Variants in NFATC2 observed in about 807,000 individuals in gnomAD.
The protein encoded by NFATC2 is nuclear factor of activated T cells 2.
In NFATC2, 22 loss-of-function variants were observed where a neutral mutation model predicts 87.3. The ratio of observed to expected loss-of-function variants is 0.25; its 90% CI spans 0.18 to 0.36. The LOEUF (loss-of-function observed/expected upper bound fraction) is 0.36. NFATC2 is among the 10% of genes least tolerant of loss of function. NFATC2 has a pLI of 1.00. For missense variants in NFATC2, 1,149 were observed against 1,259.1 expected (o/e 0.91, Z 1.32); for synonymous variants, 565 against 542.2 (o/e 1.04, Z -0.58).
intron 3 of NFATC2, among the ~76,000 whole-genome samples, chr20:51,509,012 A>G (rs898903812): frequency 1.3e-5 from 2 of 151,946 alleles, no homozygotes; most frequent in Non-Finnish European, 2.9e-5. Context: ...TGCGAGGCCC[A>G]CGATCCGCCC....
chr20:51,553,773 C>A (rs2076954630), intron 1 of NFATC2, among the ~76,000 whole-genome samples: 1 of 151,992 alleles, frequency 6.6e-6, no homozygotes, highest in East Asian at 1.9e-4. Context: ...ATGCCGCCAT[C>A]CCTCTGCCAG....
chr20:51,408,434 A>T (rs976869967), intron 9 of NFATC2, among the ~76,000 whole-genome samples: 2 of 151,076 alleles, frequency 1.3e-5, no homozygotes, highest in South Asian at 4.2e-4. Flanking sequence ...GAATCCCATG[A>T]ACCCAGGAGG....
At chr20:51,423,033 A>T (rs1254373828) in intron 9 of NFATC2, among the ~76,000 whole-genome samples, 1 of 151,402 alleles carries the variant, frequency 6.6e-6, no homozygotes, top group African/African-American at 2.4e-5. Context: ...CACGCTTATA[A>T]TCCCAGCTTT....
chr20:51,435,344 C>T (rs374852805), intron 7 of NFATC2, 30 bp from the exon 8 acceptor site: 1 of 1,613,734 alleles, frequency 6.2e-7, no homozygotes, highest in Non-Finnish European at 8.5e-7. Flanking sequence ...ATGAACTTAA[C>T]TGCAATCATG....
rs73910860 is a variant in NFATC2 at position 51,468,730 on chromosome 20, C to T, written c.1708+5250G>A. On this transcript the variant is annotated intron_variant, in intron 5 of 10. Coordinates refer to ENST00000371564, the MANE Select transcript of NFATC2 (RefSeq NM_012340.5). Reference sequence around the variant, plus strand: ...AGCCCCGGCAAACATTGCCTGGTTCCGTCTTTATAGGACAGAGACTGACAA... The same window carrying T: ...AGCCCCGGCAAACATTGCCTGGTTCTGTCTTTATAGGACAGAGACTGACAA... Among the ~76,000 whole-genome samples, 832 of 152,332 alleles carry T rather than the reference C, an allele frequency of 5.5e-3. 6 individuals are homozygous for T. The highest frequency in any genetic ancestry group is 0.019 in the African/African-American group (781 of 41,568).
At chr20:51,416,567 A>G (rs78855985) in intron 9 of NFATC2, among the ~76,000 whole-genome samples, 1,756 of 152,292 alleles carry the variant, frequency 0.012, 45 homozygotes, top group African/African-American at 0.04. Flanking sequence ...GAAGATATTA[A>G]AGGAGGGTTG....
At chr20:51,506,548 C>T (rs917092680) in intron 3 of NFATC2, among the ~76,000 whole-genome samples, 4 of 128,014 alleles carry the variant, frequency 3.1e-5, no homozygotes, top group Non-Finnish European at 6.3e-5. Context: ...TTATTGTCAA[C>T]GGAGCTAGTG....
chr20:51,397,974 G>A (rs1297191028), intron 10 of NFATC2, among the ~76,000 whole-genome samples: 2 of 152,180 alleles, frequency 1.3e-5, no homozygotes, highest in East Asian at 1.9e-4. Flanking sequence ...AAACCTGCAC[G>A]ATAAGGTCTT....
At chr20:51,562,798 G>A, upstream of NFATC2, 1 of 580,028 alleles carries the variant, frequency 1.7e-6, no homozygotes, top group South Asian at 2.4e-5. The surrounding 1 kb of genome is among the most constrained non-coding windows in gnomAD (Gnocchi z 5.8). Context: ...GCTCGGCGGA[G>A]TCGGCGCGGC....
chr20:51,473,519 A>G (rs1266843017), intron 5 of NFATC2, among the ~76,000 whole-genome samples: 1 of 152,172 alleles, frequency 6.6e-6, no homozygotes, highest in African/African-American at 2.4e-5. Flanking sequence ...ACTGCTGTGA[A>G]TACTCATGCG....
rs755739862 is a variant in NFATC2, at chr20:51,391,467, G to GGA, written c.*45-18_*45-17dup. Reference sequence around the variant, plus strand: ...ATTTCATTAACTACAAAAGAAAAGAGGAGGGGGGGGGAGAGAGAATGGGGC... The same window carrying GGA: ...ATTTCATTAACTACAAAAGAAAAGAGGAGAGGGGGGGGGAGAGAGAATGGGGC... On this transcript the variant is annotated splice_polypyrimidine_tract_variant and intron_variant, in intron 10 of 10. Transcript: ENST00000371564. The GGA allele has an allele frequency of 1.4e-6, 2 of 1,443,440 alleles. No homozygotes were observed. The highest frequency in any genetic ancestry group is 2.3e-5 in the South Asian group (2 of 87,448). The allele number at this position is 1,443,440 out of a possible 1,614,324, so 89.4% of individuals were successfully genotyped here.
At chr20:51,442,405 C>T (rs1332199580) in intron 6 of NFATC2, among the ~76,000 whole-genome samples, 1 of 152,092 alleles carries the variant, frequency 6.6e-6, no homozygotes, top group African/African-American at 2.4e-5. Context: ...GCAGTCCAGC[C>T]TGGGCGACAA....
At chr20:51,461,477 C>T (rs1987139691) in intron 5 of NFATC2, among the ~76,000 whole-genome samples, 1 of 152,230 alleles carries the variant, frequency 6.6e-6, no homozygotes, top group Admixed American at 6.5e-5. Context: ...TCCCTCCTGC[C>T]CCTGGATTCT....
chr20:51,425,480 A>G (rs1236607815), intron 9 of NFATC2, among the ~76,000 whole-genome samples: 1 of 152,182 alleles, frequency 6.6e-6, no homozygotes, highest in Non-Finnish European at 1.5e-5. Flanking sequence ...AGTTCTCATC[A>G]GCACAGAGAC....
At chr20:51,552,401 C>G (rs1032214344) in intron 1 of NFATC2, among the ~76,000 whole-genome samples, 5 of 152,174 alleles carry the variant, frequency 3.3e-5, no homozygotes, top group Admixed American at 2.0e-4. Flanking sequence ...CTTCCTCATG[C>G]TCTTGCAAAG....
intron 9 of NFATC2, among the ~76,000 whole-genome samples, chr20:51,431,149 T>C (rs1383343476): frequency 1.3e-5 from 2 of 152,154 alleles, no homozygotes; most frequent in African/African-American, 4.8e-5. Context: ...CACAAATATA[T>C]ATACCTGCTC....
At chr20:51,398,490 G>A (rs779453368) in intron 10 of NFATC2, among the ~76,000 whole-genome samples, 153 bp downstream of exon 10, 4 of 151,928 alleles carry the variant, frequency 2.6e-5, no homozygotes, top group Non-Finnish European at 5.9e-5. Flanking sequence ...TCCACTTCAG[G>A]AGTGGAGGGG....
At position 51,429,382 on chromosome 20, in the gene NFATC2, G is replaced by A. The variant is rs1192307777; in HGVS notation, c.2722+2685C>T. ...GCACTTGCTGCCTTTTGGAGGCCAC[G>A]TGGGTGGAAACCATTCCACTGCCCC... On this transcript the variant is annotated intron_variant, in intron 9 of 10. Coordinates refer to ENST00000371564, the MANE Select transcript of NFATC2 (RefSeq NM_012340.5). Among the ~76,000 whole-genome samples, 4 of 152,222 alleles carry A rather than the reference G, an allele frequency of 2.6e-5. No individual in the cohort carries two copies. In the East Asian group the frequency reaches 5.8e-4, roughly 22 times the overall value.
intron 2 of NFATC2, among the ~76,000 whole-genome samples, chr20:51,519,924 AAAAAAAGAAC>A (rs1300655344): frequency 6.6e-6 from 1 of 151,964 alleles, no homozygotes; most frequent in Non-Finnish European, 1.5e-5. Flanking sequence ...TAAAAAAAAA[AAAAAAAGAAC>A]AAAAAAGAAG....
Sources: gnomAD v4.1 joint callset for allele counts (sites outside exome capture counted in the v4.1 genomes callset) on GRCh38, gnomAD v4.1.1 for gene constraint, Gnocchi (gnomAD v3.1) non-coding constraint, MANE v1.5 for transcripts, NCBI Gene and HGNC (gene_info 2026-07-23, HGNC 2026-07-21) for gene names.